The following SH3PXD2A variants were observed in gnomAD, a reference collection of about 807,000 sequenced individuals.
SH3PXD2A encodes the protein SH3 and PX domains 2A, also known as SH3 and PX domain-containing protein 2A.
In SH3PXD2A, 32 loss-of-function variants were observed where a neutral mutation model predicts 115.2. The observed-to-expected ratio is 0.28, with a 90% CI of 0.21 to 0.37. SH3PXD2A has a LOEUF of 0.37. SH3PXD2A is among the 10% of genes least tolerant of loss of function. SH3PXD2A has a pLI of 1.00. For missense variants in SH3PXD2A, 1,328 were observed against 1,498.7 expected (o/e 0.89, Z 1.88); for synonymous variants, 610 against 629.1 (o/e 0.97, Z 0.45).
intron 4 of SH3PXD2A, among the ~76,000 whole-genome samples, chr10:103,725,743 C>T (rs1408696514): frequency 1.3e-5 from 2 of 152,050 alleles, no homozygotes; most frequent in African/African-American, 2.4e-5. Flanking sequence ...GGAGGAGAAT[C>T]GCTTGAACCC....
intron 1 of SH3PXD2A, among the ~76,000 whole-genome samples, chr10:103,810,952 G>GCGCGCACACACA (rs549107444): frequency 5.5e-4 from 11 of 19,870 alleles, no homozygotes; most frequent in African/African-American, 1.1e-3. Context: ...GCGCGCGCGC[G>GCGCGCACACACA]CACACACACA....
intron 8 of SH3PXD2A, among the ~76,000 whole-genome samples, chr10:103,650,353 G>A (rs1445571553): frequency 6.6e-6 from 1 of 152,244 alleles, no homozygotes; most frequent in Non-Finnish European, 1.5e-5. Context: ...TGCTGGGCAC[G>A]TGGCTTCACT....
chr10:103,682,023 C>T (rs2037616993), intron 6 of SH3PXD2A, among the ~76,000 whole-genome samples: 1 of 152,388 alleles, frequency 6.6e-6, no homozygotes, highest in South Asian at 2.1e-4. Flanking sequence ...CAAGATTCTG[C>T]AGTTCACTTT....
At chr10:103,836,201 C>A (rs2039538127) in intron 1 of SH3PXD2A, among the ~76,000 whole-genome samples, 1 of 152,130 alleles carries the variant, frequency 6.6e-6, no homozygotes. Flanking sequence ...ATCTATGAGA[C>A]CCTTTTATAC....
chr10:103,634,478 G>C (rs1207461381), intron 8 of SH3PXD2A, among the ~76,000 whole-genome samples: 1 of 152,232 alleles, frequency 6.6e-6, no homozygotes. Flanking sequence ...CCACTTTGCA[G>C]ATGAGGACTC....
intron 1 of SH3PXD2A, among the ~76,000 whole-genome samples, chr10:103,821,438 T>G (rs574303215): frequency 6.6e-6 from 1 of 152,166 alleles, no homozygotes; most frequent in Admixed American, 6.5e-5. Flanking sequence ...GTTCATTCTT[T>G]TTATTTCCTA....
At chr10:103,849,648 C>G (rs1842879347) in intron 1 of SH3PXD2A, among the ~76,000 whole-genome samples, 3 of 152,224 alleles carry the variant, frequency 2.0e-5, no homozygotes, top group Admixed American at 2.0e-4. Flanking sequence ...CAGCAGAAGC[C>G]CGGGCCAGGC....
chr10:103,839,228 C>T (rs2134314722), intron 1 of SH3PXD2A, among the ~76,000 whole-genome samples: 1 of 152,268 alleles, frequency 6.6e-6, no homozygotes, highest in Non-Finnish European at 1.5e-5. Context: ...CACCAACACC[C>T]CTACACCCTG....
intron 1 of SH3PXD2A, among the ~76,000 whole-genome samples, chr10:103,810,948 G>GCACACACACACA (rs1459501583): frequency 4.7e-4 from 2 of 4,246 alleles, no homozygotes; most frequent in African/African-American, 1.5e-3. Context: ...ACAGGCGCGC[G>GCACACACACACA]CGCGCACACA....
At chr10:103,813,298 T>C (rs1196628069) in intron 1 of SH3PXD2A, among the ~76,000 whole-genome samples, 1 of 152,174 alleles carries the variant, frequency 6.6e-6, no homozygotes, top group Non-Finnish European at 1.5e-5. Flanking sequence ...AGTTTTGCTT[T>C]CTACTTTATA....
intron 3 of SH3PXD2A, among the ~76,000 whole-genome samples, chr10:103,765,605 G>A (rs1361923835): frequency 6.6e-6 from 1 of 152,236 alleles, no homozygotes; most frequent in Non-Finnish European, 1.5e-5. Flanking sequence ...AGCTGAGGAA[G>A]AAGTGGGAGA....
intron 5 of SH3PXD2A, among the ~76,000 whole-genome samples, chr10:103,714,082 G>A (rs1214325788): frequency 6.6e-6 from 1 of 152,214 alleles, no homozygotes; most frequent in Non-Finnish European, 1.5e-5. Flanking sequence ...TCCCCATGGA[G>A]GGGTAACTAC....
intron 5 of SH3PXD2A, among the ~76,000 whole-genome samples, chr10:103,705,907 G>T (rs2037974450): frequency 6.6e-6 from 1 of 151,658 alleles, no homozygotes; most frequent in East Asian, 1.9e-4. Context: ...TGAGGCAGGA[G>T]AATCGCTTGA....
chr10:103,839,876 A>G lies in SH3PXD2A; in HGVS notation c.72+15319T>C, dbSNP rs1361387167. Reference sequence around the variant, plus strand: ...GTCCGAGTTTGCAACCGCCATGCACACATGCCTCACTACAGGGCCGGAGAG... The same window carrying G: ...GTCCGAGTTTGCAACCGCCATGCACGCATGCCTCACTACAGGGCCGGAGAG... On this transcript the variant is annotated intron_variant, in intron 1 of 14. Transcript: ENST00000369774. 1.3e-5 allele frequency among the ~76,000 whole-genome samples: 2 copies of G among 152,242 alleles called. 1 individual carries two copies. The highest frequency in any genetic ancestry group is 4.1e-4 in the South Asian group (2 of 4,836).
chr10:103,730,264 A>G lies in SH3PXD2A; in HGVS notation c.306+5468T>C, dbSNP rs6584567. Among the ~76,000 whole-genome samples the G allele has an allele frequency of 2.7e-3, 311 of 113,986 alleles. 3 individuals are homozygous for G. Among genetic ancestry groups the G allele is most frequent in the African/African-American group, 0.01 (306 of 30,258 alleles). 74.8% of individuals were successfully genotyped at this position (113,986 alleles called of 152,430 possible). A position where few individuals can be genotyped will look rare whatever the true frequency, so the allele number is the denominator to read the frequency against. On this transcript the variant is annotated intron_variant, in intron 4 of 14. Transcript: ENST00000369774. The stretch of plus-strand genomic sequence containing the variant: ...TTTTTTTTTTTTTGCTCCTTCCTGC[A>G]CACTGATTTTTTTTGTTTTTTAATT...
In SH3PXD2A at chr10:103,598,895, G is replaced by C. The variant is rs1199672703; in HGVS notation, c.*2921C>G. 6.6e-6 allele frequency: 1 copy of C among 152,560 alleles called. No individual in the cohort carries two copies. Among genetic ancestry groups the C allele is most frequent in the Non-Finnish European group, 1.5e-5 (1 of 68,064 alleles). The allele number at this position is 152,560 out of a possible 1,614,324, so 9.5% of individuals were successfully genotyped here. A position where few individuals can be genotyped will look rare whatever the true frequency, so the allele number is the denominator to read the frequency against. The stretch of plus-strand genomic sequence containing the variant: ...TTGCAGGGTTTGTGCTGTGAGTTAG[G>C]GGGTGAGGGGGCGAGGTGCGAAGAC... On this transcript the variant is annotated 3_prime_UTR_variant, in exon 15 of 15. Coordinates refer to ENST00000369774, the MANE Select transcript of SH3PXD2A (RefSeq NM_001394015.1).
At chr10:103,815,715 C>A (rs1170683376) in intron 1 of SH3PXD2A, among the ~76,000 whole-genome samples, 1 of 151,248 alleles carries the variant, frequency 6.6e-6, no homozygotes, top group Non-Finnish European at 1.5e-5. Flanking sequence ...ATGGTGAAAC[C>A]CCGTCTCTAC....
chr10:103,679,057 G>A (rs775221043), intron 6 of SH3PXD2A, among the ~76,000 whole-genome samples: 1 of 152,152 alleles, frequency 6.6e-6, no homozygotes, highest in Non-Finnish European at 1.5e-5. Context: ...CTCTGCACAG[G>A]TACTGTCCTC....
chr10:103,800,937 C>G (rs1407967546), intron 2 of SH3PXD2A, among the ~76,000 whole-genome samples: 1 of 152,198 alleles, frequency 6.6e-6, no homozygotes, highest in Non-Finnish European at 1.5e-5. Flanking sequence ...TGGCTTCTGT[C>G]TCACCCTGGA....
Sources: gnomAD v4.1 joint callset for allele counts (sites outside exome capture counted in the v4.1 genomes callset) on GRCh38, gnomAD v4.1.1 for gene constraint, MANE v1.5 for transcripts, NCBI Gene and HGNC (gene_info 2026-07-23, HGNC 2026-07-21) for gene names.